Variants in ANXA6 observed in about 807,000 individuals in gnomAD.
ANXA6 encodes the protein 67 kDa calelectrin.
ANXA6 carries 71 observed loss-of-function variants against 95.4 expected under a neutral mutation model. That is an observed-to-expected ratio of 0.74 (90% CI 0.61 to 0.91). The LOEUF is 0.91. Ranked by LOEUF, ANXA6 falls within the 40% of genes least tolerant of loss-of-function variation. ANXA6 has a pLI of 0.00. For synonymous variants in ANXA6, 289 were observed against 315.9 expected, an observed-to-expected ratio of 0.91 and a Z score of 0.90; for missense variants, 830 against 876.4, an observed-to-expected ratio of 0.95 and a Z score of 0.67.
At chr5:151,108,587 T>C in intron 22 of ANXA6, 37 bp from the exon 23 acceptor site, 2 of 1,588,608 alleles carry the variant, frequency 1.3e-6, no homozygotes, top group Non-Finnish European at 1.7e-6. Flanking sequence ...GGGGGTGAGC[T>C]TCAGTGCAGG....
intron 25 of ANXA6, 102 bp downstream of exon 25, chr5:151,103,468 G>T: frequency 1.7e-6 from 2 of 1,204,460 alleles, no homozygotes; most frequent in Non-Finnish European, 2.3e-6. Flanking sequence ...GTTCTAAGCG[G>T]TAACCCACTG....
At chr5:151,123,918 C>T (rs1245937804) in intron 15 of ANXA6, among the ~76,000 whole-genome samples, 1 of 152,216 alleles carries the variant, frequency 6.6e-6, no homozygotes, top group African/African-American at 2.4e-5. Context: ...CCTGATTTTA[C>T]ACATAGGGAA....
In ANXA6 at chr5:151,109,638, G is replaced by A; in HGVS notation, c.1684+115C>T. ...CGTCACCCATGACACGCTACTGCTG[G>A]GTTAAGGAGGAGGTGGGTGGGCAAC... On this transcript the variant is annotated intron_variant, in intron 22 of 25. Transcript: ENST00000354546. 3 of 775,456 alleles carry A rather than the reference G, an allele frequency of 3.9e-6. No homozygotes were observed. The Admixed American group carries it at 6.2e-5, about 16-fold the overall frequency. The allele number at this position is 775,456 out of a possible 1,614,324, so 48.0% of individuals were successfully genotyped here.
intron 1 of ANXA6, chr5:151,151,324 G>A (rs1766100765): frequency 6.6e-6 from 1 of 152,190 alleles, no homozygotes; most frequent in Non-Finnish European, 1.5e-5. Flanking sequence ...TTTACATCTA[G>A]TGTTTCTGAA....
chr5:151,153,301 T>C (rs965132286), intron 1 of ANXA6, among the ~76,000 whole-genome samples: 6 of 152,226 alleles, frequency 3.9e-5, no homozygotes, highest in African/African-American at 1.2e-4. Flanking sequence ...CTACCAAAGA[T>C]TTAAGGTCAG....
rs777701662 is a variant in ANXA6 at position 151,129,513 on chromosome 5, T to C, written c.812A>G (p.Asp271Gly). 11 of 1,606,146 alleles carry C rather than the reference T, an allele frequency of 6.8e-6. No homozygotes were observed. Among genetic ancestry groups the C allele is most frequent in the Non-Finnish European group, 8.5e-6 (10 of 1,176,394 alleles). ...FKAMKGLGTR[D>G]NTLIRIMVSR... ...GACCATGATGCGGATCAGGGTGTTG[T>C]CCCGAGTCCCCAGGCCCTGCAAGAC... is the stretch of plus-strand genomic sequence containing the variant. The change falls in exon 12 of 26, where the codon GAC becomes GGC. Residue 271 changes from aspartate to glycine, a missense_variant. Asp to Gly is a moderately conservative substitution (Grantham distance 94, BLOSUM62 -1). Coordinates refer to ENST00000354546, the MANE Select transcript of ANXA6 (RefSeq NM_001155.5).
intron 17 of ANXA6, among the ~76,000 whole-genome samples, chr5:151,120,728 AAG>A (rs1179618333): frequency 6.6e-6 from 1 of 152,212 alleles, no homozygotes; most frequent in African/African-American, 2.4e-5. Context: ...CAAAAAAAAA[AAG>A]AGAAAGGCAA....
At chr5:151,119,425 G>C in intron 17 of ANXA6, 35 bp from the exon 18 acceptor site, 1 of 1,590,536 alleles carries the variant, frequency 6.3e-7, no homozygotes, top group Non-Finnish European at 8.6e-7. Flanking sequence ...CTCAGCCATA[G>C]TTCTGACCTC....
chr5:151,125,877 C>T (rs1187833925), intron 14 of ANXA6, among the ~76,000 whole-genome samples: 3 of 152,106 alleles, frequency 2.0e-5, no homozygotes, highest in Non-Finnish European at 2.9e-5. Context: ...GGGCACCTTC[C>T]AAAGGTTACA....
Position 151,110,638 on chromosome 5 carries a change from C to T in ANXA6, c.1579G>A (p.Ala527Thr). The T allele has an allele frequency of 6.2e-7, 1 of 1,613,208 alleles. No individual in the cohort carries two copies. The highest frequency in any genetic ancestry group is 8.5e-7 in the Non-Finnish European group (1 of 1,179,462). ...DQAREDAQVA[A>T]EILEIADTPS... is the part of the protein sequence containing the mutation. ...AACAGGACACTCACCAAGATCTCAGCAGCCACCTGAGAGCAGGGAGGGGAG... is the reference window on the plus strand; with the variant it reads ...AACAGGACACTCACCAAGATCTCAGTAGCCACCTGAGAGCAGGGAGGGGAG... Residue 527 changes from alanine (A) to threonine (T), a missense_variant, in exon 21 of 26, where the codon GCT (alanine) becomes ACT (threonine). Ala to Thr is a moderately conservative substitution (Grantham distance 58). Coordinates refer to ENST00000354546, the MANE Select transcript of ANXA6 (RefSeq NM_001155.5).
chr5:151,132,513 C>T lies in ANXA6; in HGVS notation c.699G>A (p.Glu233=). 6.2e-7 allele frequency: 1 copy of T among 1,613,500 alleles called. No individual in the cohort carries two copies. ...TTAGCTTCTCAAAGTCCCCAGACAG[C>T]TCCCCTCGGATGCTGGCTTCAATCG... ...GKPIEASIRG[E]LSGDFEKLML... Residue 233 remains glutamate, a synonymous_variant, in exon 10 of 26, where the codon GAG becomes GAA. Coordinates refer to ENST00000354546, the MANE Select transcript of ANXA6 (RefSeq NM_001155.5).
intron 1 of ANXA6, among the ~76,000 whole-genome samples, chr5:151,150,569 G>C (rs576368144): frequency 6.6e-6 from 1 of 152,334 alleles, no homozygotes; most frequent in African/African-American, 2.4e-5. Flanking sequence ...ATCATATGGG[G>C]TTGGGAGTGG....
At position 151,109,829 on chromosome 5, in the gene ANXA6, A is replaced by G. The variant is rs1133202; in HGVS notation, c.1608T>C (p.Pro536=). The G allele has an allele frequency of 0.75, 1,201,597 of 1,605,320 alleles. 450,340 individuals are homozygous for G. Among genetic ancestry groups the G allele is most frequent in the African/African-American group, 0.83 (62,022 of 74,832 alleles). The change falls in exon 22 of 26, where the codon CCT becomes CCC. Residue 536 remains proline (P), a synonymous_variant. Coordinates refer to ENST00000354546, the MANE Select transcript of ANXA6 (RefSeq NM_001155.5). The part of the protein sequence containing the change: ...AAEILEIADT[P]SGDKTSLETR... ...TCTCCAAGGAAGTTTTGTCTCCACTAGGTGTGTCTGCTATTTCCTGCAGAG... is the reference window on the plus strand; with the variant it reads ...TCTCCAAGGAAGTTTTGTCTCCACTGGGTGTGTCTGCTATTTCCTGCAGAG...
intron 2 of ANXA6, among the ~76,000 whole-genome samples, chr5:151,142,836 A>C (rs940593914): frequency 3.9e-5 from 6 of 152,236 alleles, no homozygotes; most frequent in African/African-American, 1.4e-4. Flanking sequence ...TCCTGGGACC[A>C]GTGTGGAAAT....
chr5:151,108,658 G>A, intron 22 of ANXA6, 108 bp from the exon 23 acceptor site: 4 of 920,920 alleles, frequency 4.3e-6, no homozygotes, highest in Admixed American at 3.7e-5. Flanking sequence ...CTGAGAAAGT[G>A]GAAGGGCAGC....
At chr5:151,103,274 G>T (rs574360513) in intron 25 of ANXA6, among the ~76,000 whole-genome samples, 16 of 152,276 alleles carry the variant, frequency 1.1e-4, no homozygotes, top group Admixed American at 1.3e-4. Flanking sequence ...TGTGATTACA[G>T]GTGTGAGCCA....
intron 9 of ANXA6, among the ~76,000 whole-genome samples, 200 bp from the exon 10 acceptor site, chr5:151,132,771 T>C (rs1765553494): frequency 6.6e-6 from 1 of 151,996 alleles, no homozygotes; most frequent in African/African-American, 2.4e-5. Context: ...GGTGAGAGAC[T>C]GTGTCTCATC....
Position 151,103,692 on chromosome 5 carries a change from C to T in ANXA6, c.1840G>A (p.Gly614Ser). The T allele has an allele frequency of 6.2e-7, 1 of 1,607,054 alleles. No individual in the cohort carries two copies. Among genetic ancestry groups the T allele is most frequent in the East Asian group, 2.2e-5 (1 of 44,454 alleles). Reference protein sequence around the residue: ...FADKLYKSMKGAGTDEKTLTR... With the variant: ...FADKLYKSMKSAGTDEKTLTR... ...AGAGTCTTCTCATCTGTGCCAGCAC[C>T]CTGGTGGAGCCAGGCAGGAGGGAGA... The change falls in exon 25 of 26, where the codon GGT (glycine) becomes AGT (serine). Residue 614 changes from glycine (G) to serine (S), a missense_variant and splice_region_variant. By Grantham distance (56) the Gly-to-Ser change is moderately conservative. Transcript: ENST00000354546.
At chr5:151,112,227 G>C (rs983638634) in intron 20 of ANXA6, among the ~76,000 whole-genome samples, 2 of 152,096 alleles carry the variant, frequency 1.3e-5, no homozygotes, top group African/African-American at 4.8e-5. Flanking sequence ...GATAAGGAGA[G>C]TTTCCATTTA....
Sources: allele counts gnomAD v4.1 joint callset (sites outside exome capture counted in the v4.1 genomes callset), GRCh38; gene constraint gnomAD v4.1.1; transcripts MANE v1.5; gene names NCBI Gene and HGNC (gene_info 2026-07-23, HGNC 2026-07-21).